The following MDGA2 variants were observed in gnomAD, a reference collection of about 807,000 sequenced individuals.
The protein encoded by MDGA2 is MAM domain containing glycosylphosphatidylinositol anchor 2, also known as MAM domain-containing glycosylphosphatidylinositol anchor protein 2.
MDGA2 carries 40 observed loss-of-function variants against 117.8 expected under a neutral mutation model. The ratio of observed to expected loss-of-function variants is 0.34; its 90% CI spans 0.26 to 0.44. The LOEUF is 0.44. MDGA2 is among the 20% of genes least tolerant of loss of function. The probability of loss-of-function intolerance (pLI) is 1.00; values close to 1 mark genes in which losing one functional copy is unlikely to be tolerated. For synonymous variants in MDGA2, 452 were observed against 439.0 expected, an observed-to-expected ratio of 1.03 and a Z score of -0.37; for missense variants, 1,123 against 1,250.6, an observed-to-expected ratio of 0.90 and a Z score of 1.54.
chr14:47,481,611 C>A (rs970763880), intron 1 of MDGA2, among the ~76,000 whole-genome samples: 9 of 151,896 alleles, frequency 5.9e-5, no homozygotes, highest in African/African-American at 2.2e-4. Flanking sequence ...TATCAGTGAC[C>A]AAATGGCTCA....
chr14:47,534,744 G>C (rs1895173541), intron 1 of MDGA2, among the ~76,000 whole-genome samples: 1 of 152,156 alleles, frequency 6.6e-6, no homozygotes, highest in Non-Finnish European at 1.5e-5. Context: ...CTGGCACTCT[G>C]AACCAAGTCT....
intron 1 of MDGA2, among the ~76,000 whole-genome samples, chr14:47,640,633 G>A (rs891913812): frequency 1.3e-5 from 2 of 152,046 alleles, no homozygotes; most frequent in African/African-American, 4.8e-5. Context: ...ACACTTGACT[G>A]TTCTCTCACC....
At chr14:47,410,833 G>A (rs978589519) in intron 1 of MDGA2, among the ~76,000 whole-genome samples, 6 of 151,838 alleles carry the variant, frequency 4.0e-5, no homozygotes, top group South Asian at 2.1e-4. Context: ...TTTACTAATC[G>A]AATTAACAAG....
intron 3 of MDGA2, among the ~76,000 whole-genome samples, chr14:47,144,852 G>T (rs1466360594): frequency 6.8e-6 from 1 of 147,100 alleles, no homozygotes; most frequent in African/African-American, 2.5e-5. Flanking sequence ...GACTGGCTAT[G>T]TTGTCCAGGC....
chr14:47,465,129 G>T (rs1381064602), intron 1 of MDGA2, among the ~76,000 whole-genome samples: 1 of 151,864 alleles, frequency 6.6e-6, no homozygotes, highest in African/African-American at 2.4e-5. Context: ...ATGGTGCTGG[G>T]ATAACTGGCT....
At chr14:47,100,198 T>G (rs1880222547) in intron 5 of MDGA2, among the ~76,000 whole-genome samples, 1 of 152,092 alleles carries the variant, frequency 6.6e-6, no homozygotes, top group African/African-American at 2.4e-5. Flanking sequence ...TTTTTCAAGA[T>G]TCAACATTTT....
At chr14:46,869,574 C>T (rs868747389) in intron 14 of MDGA2, among the ~76,000 whole-genome samples, 1 of 151,814 alleles carries the variant, frequency 6.6e-6, no homozygotes, top group Non-Finnish European at 1.5e-5. Flanking sequence ...AAACATTTAA[C>T]TAAAAAGAAA....
intron 3 of MDGA2, among the ~76,000 whole-genome samples, chr14:47,178,421 A>T (rs755651411): frequency 1.3e-5 from 2 of 152,168 alleles, no homozygotes; most frequent in Non-Finnish European, 2.9e-5. Context: ...GTATGCCTGG[A>T]AACCTTTGAC....
At chr14:47,510,122 T>C (rs1185794798) in intron 1 of MDGA2, among the ~76,000 whole-genome samples, 2 of 152,246 alleles carry the variant, frequency 1.3e-5, no homozygotes, top group Non-Finnish European at 2.9e-5. Context: ...GATTAGGCCA[T>C]GCAGGCAGAG....
At chr14:47,243,511 A>C (rs1376201735) in intron 2 of MDGA2, among the ~76,000 whole-genome samples, 4 of 151,018 alleles carry the variant, frequency 2.6e-5, no homozygotes, top group Non-Finnish European at 4.4e-5. Context: ...TAACACTCAC[A>C]GCGAAGATCT....
At chr14:47,263,379 C>G (rs1157652815) in intron 2 of MDGA2, among the ~76,000 whole-genome samples, 1 of 152,018 alleles carries the variant, frequency 6.6e-6, no homozygotes, top group Non-Finnish European at 1.5e-5. Context: ...ATTCAGGACA[C>G]AACTAAATAG....
chr14:47,231,071 C>T (rs1231314641), intron 2 of MDGA2, among the ~76,000 whole-genome samples: 1 of 152,016 alleles, frequency 6.6e-6, no homozygotes, highest in East Asian at 1.9e-4. Context: ...TAAACCCCAG[C>T]AGTAAATATA....
At chr14:47,181,288 G>A (rs1594702184) in intron 3 of MDGA2, among the ~76,000 whole-genome samples, 1 of 152,064 alleles carries the variant, frequency 6.6e-6, no homozygotes, top group Non-Finnish European at 1.5e-5. Context: ...CTGTGTCCAT[G>A]TGTTCTCATT....
chr14:47,215,841 C>A (rs929927290), intron 3 of MDGA2, among the ~76,000 whole-genome samples: 4 of 152,066 alleles, frequency 2.6e-5, no homozygotes, highest in African/African-American at 9.7e-5. Context: ...AGTACTTCAA[C>A]ATGGTATGCA....
chr14:46,874,242 T>C, intron 12 of MDGA2, 42 bp from the exon 13 acceptor site: 1 of 956,834 alleles, frequency 1.0e-6, no homozygotes, highest in Non-Finnish European at 1.4e-6. Flanking sequence ...ATTAAATTAA[T>C]ACACATACTG....
chr14:47,280,177 G>A (rs985756965), intron 2 of MDGA2, among the ~76,000 whole-genome samples: 4 of 151,530 alleles, frequency 2.6e-5, no homozygotes, highest in African/African-American at 9.7e-5. Context: ...ATCTGGGCGT[G>A]GTGGTACATG....
At chr14:47,377,356 T>C (rs993260792) in intron 1 of MDGA2, among the ~76,000 whole-genome samples, 1 of 152,140 alleles carries the variant, frequency 6.6e-6, no homozygotes, top group Non-Finnish European at 1.5e-5. Context: ...TTCATCTCGC[T>C]GGGTCTTGTC....
chr14:47,669,318 T>C (rs1264382971), intron 1 of MDGA2, among the ~76,000 whole-genome samples: 1 of 152,228 alleles, frequency 6.6e-6, no homozygotes, highest in Non-Finnish European at 1.5e-5. Context: ...GAATTACTTT[T>C]GTGACATCTA....
intron 1 of MDGA2, among the ~76,000 whole-genome samples, chr14:47,489,989 G>A (rs1306130074): frequency 6.6e-6 from 1 of 152,040 alleles, no homozygotes; most frequent in Non-Finnish European, 1.5e-5. Context: ...TTTTCTACAG[G>A]ATTCTAACAA....
Sources: gnomAD v4.1 joint callset for allele counts (sites outside exome capture counted in the v4.1 genomes callset) on GRCh38, gnomAD v4.1.1 for gene constraint, MANE v1.5 for transcripts, NCBI Gene and HGNC (gene_info 2026-07-23, HGNC 2026-07-21) for gene names.